ZNF410: variants seen among roughly 807,000 people sequenced by gnomAD.
The protein encoded by ZNF410 is zinc finger protein 410.
In ZNF410, 18 loss-of-function variants were observed where a neutral mutation model predicts 54.8. The observed-to-expected ratio is 0.33, with a 90% CI of 0.23 to 0.49. ZNF410 has a LOEUF of 0.49. Ranked by LOEUF, ZNF410 falls within the 20% of genes least tolerant of loss-of-function variation. The pLI is 0.99. For synonymous variants in ZNF410, 191 were observed against 207.3 expected, an observed-to-expected ratio of 0.92 and a Z score of 0.68; for missense variants, 405 against 569.6, an observed-to-expected ratio of 0.71 and a Z score of 2.94.
chr14:73,892,892 A>C (rs1335484266), intron 2 of ZNF410, among the ~76,000 whole-genome samples: 1 of 152,156 alleles, frequency 6.6e-6, no homozygotes, highest in African/African-American at 2.4e-5. Context: ...CATCCTGCCT[A>C]ACATGGTGAA....
Position 73,898,111 on chromosome 14 carries a change from T to C in ZNF410, c.429T>C (p.Asp143=), listed in dbSNP as rs201192028. The change falls in exon 5 of 12, where the codon GAT becomes GAC. Residue 143 remains aspartate, a synonymous_variant. Coordinates refer to ENST00000555044, the MANE Select transcript of ZNF410 (RefSeq NM_021188.3). ...SSAEHLVFVQ[D]EAEDSGNDFL... is the part of the protein sequence containing the mutation. Reference sequence around the variant, plus strand: ...CTGAGCACTTAGTGTTTGTACAGGATGAGGCAGAAGATTCAGGGAATGATT... The same window carrying C: ...CTGAGCACTTAGTGTTTGTACAGGACGAGGCAGAAGATTCAGGGAATGATT... The C allele has an allele frequency of 8.7e-6, 14 of 1,614,150 alleles. No individual in the cohort carries two copies. The East Asian group carries it at 3.1e-4, about 36-fold the overall frequency.
chr14:73,904,167 C>G (rs1352594055), intron 6 of ZNF410, 57 bp downstream of exon 6: 2 of 1,561,854 alleles, frequency 1.3e-6, no homozygotes, highest in African/African-American at 2.7e-5. Flanking sequence ...GTTGATTCTT[C>G]CAGAGGAACT....
chr14:73,891,019 A>C (rs1486496546), intron 1 of ZNF410, among the ~76,000 whole-genome samples: 4 of 152,034 alleles, frequency 2.6e-5, no homozygotes, highest in Non-Finnish European at 5.9e-5. Flanking sequence ...TAAATAAATA[A>C]ATAAAAGAGA....
rs1465082702 is a variant in ZNF410, at chr14:73,898,224, G to A, written c.542G>A (p.Arg181His). The change falls in exon 5 of 12, where the codon CGT becomes CAT. Residue 181 changes from arginine to histidine, a missense_variant. By Grantham distance (29) the Arg-to-His change is conservative. Transcript: ENST00000555044. ...LAHDSLIAATRAQLAKNAKTS... is the reference protein window; with the variant it reads ...LAHDSLIAATHAQLAKNAKTS... ...CATGACAGTTTGATTGCTGCTACTC[G>A]TGCACAACTGGCAAAGAATGCAAAA... 1.2e-6 allele frequency: 2 copies of A among 1,613,972 alleles called. No individual in the cohort carries two copies. The highest frequency in any genetic ancestry group is 1.7e-6 in the Non-Finnish European group (2 of 1,180,004).
At chr14:73,891,429 C>G (rs1317243328) in intron 1 of ZNF410, among the ~76,000 whole-genome samples, 1 of 152,188 alleles carries the variant, frequency 6.6e-6, no homozygotes, top group Admixed American at 6.5e-5. Flanking sequence ...CCTTGGCTCA[C>G]TGCAACCTCC....
Position 73,896,526 on chromosome 14 carries a change from C to G in ZNF410, c.380C>G (p.Thr127Arg). The change falls in exon 4 of 12, where the codon ACA becomes AGA. Residue 127 changes from threonine to arginine, a missense_variant. Transcript: ENST00000555044. ...ACTTCTTTTATTCTTCTTAACCTAA[C>G]AAGAGCAGGTATTCTTTCCTTTTTT... Reference protein sequence around the residue: ...DSTSFILLNLTRAGLGSSAEH... With the variant: ...DSTSFILLNLRRAGLGSSAEH... 6.2e-7 allele frequency: 1 copy of G among 1,613,830 alleles called. No homozygotes were observed. The highest frequency in any genetic ancestry group is 1.3e-5 in the African/African-American group (1 of 75,012).
intron 5 of ZNF410, among the ~76,000 whole-genome samples, chr14:73,900,836 T>C (rs1474981887): frequency 6.6e-6 from 1 of 152,236 alleles, no homozygotes; most frequent in African/African-American, 2.4e-5. Context: ...TGAGATTTTT[T>C]TGTTTGTTTG....
At position 73,926,288 on chromosome 14, in the gene ZNF410, T is replaced by C. The variant is rs576416968; in HGVS notation, c.1398+2766T>C. Among the ~76,000 whole-genome samples the C allele has an allele frequency of 9.2e-5, 14 of 152,300 alleles. No individual in the cohort carries two copies. In the East Asian group the frequency reaches 2.5e-3, roughly 27 times the overall value. ...TTCTTTTTTTCCTCCCCCTCAAAAA[T>C]ATCTTATGGTTGGTTTGCTAGAGTC... On this transcript the variant is annotated intron_variant, in intron 11 of 11. Transcript: ENST00000555044.
intron 11 of ZNF410, among the ~76,000 whole-genome samples, chr14:73,925,903 A>ATG (rs762864543): frequency 6.6e-6 from 1 of 152,142 alleles, no homozygotes; most frequent in African/African-American, 2.4e-5. Flanking sequence ...ACGTGGTGGC[A>ATG]TGTGCCTGTG....
At chr14:73,919,516 C>T (rs1019368722) in intron 8 of ZNF410, among the ~76,000 whole-genome samples, 9 of 152,024 alleles carry the variant, frequency 5.9e-5, no homozygotes, top group African/African-American at 1.9e-4. Flanking sequence ...GTTTAGCTCC[C>T]GCTTATAAGT....
At chr14:73,921,990 G>A in intron 9 of ZNF410, 76 bp from the exon 10 acceptor site, 1 of 1,554,390 alleles carries the variant, frequency 6.4e-7, no homozygotes, top group Non-Finnish European at 8.8e-7. Context: ...GAGAAGGCCA[G>A]CTTCTGTTGA....
At chr14:73,930,536 A>C (rs1332021762) in intron 11 of ZNF410, among the ~76,000 whole-genome samples, 2 of 152,176 alleles carry the variant, frequency 1.3e-5, no homozygotes, top group Admixed American at 1.3e-4. Context: ...CTCAAGCTGA[A>C]GAATTTATTT....
At chr14:73,925,993 C>T (rs1041116481) in intron 11 of ZNF410, among the ~76,000 whole-genome samples, 1 of 152,158 alleles carries the variant, frequency 6.6e-6, no homozygotes, top group Non-Finnish European at 1.5e-5. Context: ...GTGACTGTGC[C>T]ACTGTACTCC....
At chr14:73,892,938 T>G (rs1279764395) in intron 2 of ZNF410, among the ~76,000 whole-genome samples, 1 of 152,052 alleles carries the variant, frequency 6.6e-6, no homozygotes, top group Non-Finnish European at 1.5e-5. Context: ...AAAAATTAGC[T>G]GGGCGTGGTG....
At chr14:73,905,133 A>C (rs1325399020) in intron 7 of ZNF410, 50 bp downstream of exon 7, 2 of 1,570,582 alleles carry the variant, frequency 1.3e-6, no homozygotes, top group Admixed American at 1.8e-5. Context: ...TTGGCTCTGC[A>C]TGTTTGCCTC....
At position 73,900,479 on chromosome 14, in the gene ZNF410, A is replaced by G. The variant is rs180716654; in HGVS notation, c.580+2217A>G. Among the ~76,000 whole-genome samples the G allele has an allele frequency of 4.7e-5, 7 of 150,288 alleles. No individual in the cohort carries two copies. In the East Asian group the frequency reaches 1.4e-3, roughly 30 times the overall value. On this transcript the variant is annotated intron_variant, in intron 5 of 11. Coordinates refer to ENST00000555044, the MANE Select transcript of ZNF410 (RefSeq NM_021188.3). ...AAACTCTGCCTCCTGGGCTCAAGTG[A>G]TTCTCTGCCTCAGCCTCCCGAGTAG...
At chr14:73,905,949 A>G (rs1396581331) in intron 7 of ZNF410, among the ~76,000 whole-genome samples, 1 of 18,650 alleles carries the variant, frequency 5.4e-5, no homozygotes, top group African/African-American at 1.3e-4. Flanking sequence ...ATATATACAC[A>G]CACACACACA....
chr14:73,890,439 C>T (rs1181555691), intron 1 of ZNF410, among the ~76,000 whole-genome samples: 1 of 152,050 alleles, frequency 6.6e-6, no homozygotes, highest in African/African-American at 2.4e-5. Flanking sequence ...CCACCCGCCT[C>T]GGCCTCCCAA....
At chr14:73,911,244 G>A (rs2055573375) in intron 8 of ZNF410, among the ~76,000 whole-genome samples, 1 of 152,118 alleles carries the variant, frequency 6.6e-6, no homozygotes, top group African/African-American at 2.4e-5. Context: ...TCAGAGCAGA[G>A]GCTTGCTGAG....
Sources: gnomAD v4.1 joint callset for allele counts (sites outside exome capture counted in the v4.1 genomes callset) on GRCh38, gnomAD v4.1.1 for gene constraint, MANE v1.5 for transcripts, NCBI Gene and HGNC (gene_info 2026-07-23, HGNC 2026-07-21) for gene names.